The following EIF4G3 variants were observed in gnomAD, a reference collection of about 807,000 sequenced individuals.
EIF4G3 encodes eIF-4-gamma 3.
In EIF4G3, 34 loss-of-function variants were observed where a neutral mutation model predicts 186.4. The observed-to-expected ratio is 0.18, with a 90% CI of 0.14 to 0.24. The LOEUF (loss-of-function observed/expected upper bound fraction) is 0.24. EIF4G3 is among the 10% of genes least tolerant of loss of function. The probability of loss-of-function intolerance (pLI) is 1.00; values close to 1 mark genes in which losing one functional copy is unlikely to be tolerated. For synonymous variants in EIF4G3, 673 were observed against 679.5 expected (o/e 0.99, Z 0.15); for missense variants, 1,536 against 1,948.5 (o/e 0.79, Z 3.99).
At chr1:21,079,317 G>A (rs116610592) in intron 3 of EIF4G3, among the ~76,000 whole-genome samples, 1,899 of 152,116 alleles carry the variant, frequency 0.012, 39 homozygotes, top group African/African-American at 0.042. Flanking sequence ...TCTCTAATTA[G>A]ATTAAACAAA....
intron 3 of EIF4G3, among the ~76,000 whole-genome samples, chr1:21,079,707 A>G (rs1471185048): frequency 1.3e-5 from 2 of 151,068 alleles, no homozygotes; most frequent in Admixed American, 6.6e-5. Flanking sequence ...AAAAAAACTC[A>G]TGAAATTTTA....
At chr1:21,148,968 T>C (rs371189301) in intron 2 of EIF4G3, among the ~76,000 whole-genome samples, 1 of 152,090 alleles carries the variant, frequency 6.6e-6, no homozygotes, top group African/African-American at 2.4e-5. Flanking sequence ...GGGTGGCTCA[T>C]GCCTGTAATC....
intron 2 of EIF4G3, among the ~76,000 whole-genome samples, chr1:21,125,769 T>TACAC (rs1474018412): frequency 2.2e-4 from 25 of 114,506 alleles, no homozygotes; most frequent in African/African-American, 7.3e-4. Flanking sequence ...TTTATATATA[T>TACAC]ATACACACAC....
intron 4 of EIF4G3, among the ~76,000 whole-genome samples, chr1:21,014,747 G>GC (rs34592203): frequency 0.95 from 143,112 of 151,364 alleles, 68,140 homozygotes; most frequent in Middle Eastern, 1. Context: ...CAATTCTCCT[G>GC]CCCAGCCTCC....
chr1:20,826,226 G>C (rs2063575115), intron 32 of EIF4G3, among the ~76,000 whole-genome samples: 1 of 152,114 alleles, frequency 6.6e-6, no homozygotes. Flanking sequence ...AAATGCAGTG[G>C]CACAATCTTG....
At chr1:20,811,244 G>A (rs2059176782) in intron 35 of EIF4G3, among the ~76,000 whole-genome samples, 1 of 151,894 alleles carries the variant, frequency 6.6e-6, no homozygotes, top group Admixed American at 6.6e-5. Flanking sequence ...ATGAGCCACT[G>A]CTCCTGGCCT....
intron 14 of EIF4G3, among the ~76,000 whole-genome samples, chr1:20,913,371 C>T (rs919047857): frequency 6.6e-6 from 1 of 151,954 alleles, no homozygotes; most frequent in Non-Finnish European, 1.5e-5. Flanking sequence ...ACCATCTCTA[C>T]AAAAAAAATT....
intron 32 of EIF4G3, among the ~76,000 whole-genome samples, chr1:20,827,154 C>T (rs1187203285): frequency 6.6e-6 from 1 of 152,006 alleles, no homozygotes; most frequent in Non-Finnish European, 1.5e-5. Flanking sequence ...CATTTTATTC[C>T]CTTTGTGATG....
intron 4 of EIF4G3, among the ~76,000 whole-genome samples, chr1:21,009,644 T>C (rs947550136): frequency 6.6e-6 from 1 of 150,964 alleles, no homozygotes; most frequent in Admixed American, 6.6e-5. Flanking sequence ...TCTTCTTCTT[T>C]TTTTGGGGGG....
chr1:20,829,121 T>A (rs950812923), intron 31 of EIF4G3, 26 bp downstream of exon 31: 3 of 1,611,936 alleles, frequency 1.9e-6, no homozygotes, highest in African/African-American at 2.7e-5. Flanking sequence ...ACCTGATATA[T>A]ATCAAGAGAA....
intron 2 of EIF4G3, chr1:21,111,654 A>C: frequency 6.1e-6 from 1 of 164,552 alleles, no homozygotes; most frequent in South Asian, 1.5e-4. Flanking sequence ...AGATATATAC[A>C]TATCATGACA....
chr1:20,990,946 A>C (rs1224242884), intron 7 of EIF4G3, among the ~76,000 whole-genome samples: 1 of 152,222 alleles, frequency 6.6e-6, no homozygotes, highest in East Asian at 1.9e-4. Flanking sequence ...TGAAAAACTA[A>C]CATCTGCAAT....
intron 13 of EIF4G3, among the ~76,000 whole-genome samples, chr1:20,947,979 C>T (rs940185963): frequency 2.6e-5 from 4 of 152,000 alleles, no homozygotes; most frequent in Non-Finnish European, 1.5e-5. Flanking sequence ...TAATGGCAAA[C>T]GCAATAATAC....
intron 2 of EIF4G3, among the ~76,000 whole-genome samples, chr1:21,100,844 TTC>T (rs1387055866): frequency 6.6e-6 from 1 of 152,146 alleles, no homozygotes; most frequent in Non-Finnish European, 1.5e-5. Flanking sequence ...GCAAACTACG[TTC>T]TTTTTCAATG....
intron 2 of EIF4G3, among the ~76,000 whole-genome samples, chr1:21,166,128 A>G (rs922350411): frequency 2.2e-5 from 2 of 90,896 alleles, no homozygotes; most frequent in African/African-American, 3.2e-5. Flanking sequence ...TTTTCCTTTT[A>G]AAAATTCATA....
intron 3 of EIF4G3, among the ~76,000 whole-genome samples, chr1:21,062,647 C>T (rs566577378): frequency 3.9e-5 from 6 of 152,216 alleles, no homozygotes; most frequent in Non-Finnish European, 7.4e-5. Context: ...TGGAGTGCAA[C>T]GGTGCAATCT....
At chr1:21,125,666 C>G (rs1316375722) in intron 2 of EIF4G3, among the ~76,000 whole-genome samples, 1 of 151,736 alleles carries the variant, frequency 6.6e-6, no homozygotes, top group East Asian at 1.9e-4. Flanking sequence ...CTGCAGTGAG[C>G]CGAGATTGTG....
chr1:21,152,581 C>CGGA, intron 2 of EIF4G3, among the ~76,000 whole-genome samples: 1 of 152,118 alleles, frequency 6.6e-6, no homozygotes, highest in South Asian at 2.1e-4. Context: ...ATTACCTTTC[C>CGGA]AGTCATTACA....
At chr1:21,057,772 T>C (rs1280861281) in intron 3 of EIF4G3, among the ~76,000 whole-genome samples, 3 of 152,162 alleles carry the variant, frequency 2.0e-5, no homozygotes, top group Non-Finnish European at 2.9e-5. Context: ...GGTATTATAC[T>C]GTTACTCTGC....
Sources: gnomAD v4.1 joint callset for allele counts (sites outside exome capture counted in the v4.1 genomes callset) on GRCh38, gnomAD v4.1.1 for gene constraint, MANE v1.5 for transcripts, NCBI Gene and HGNC (gene_info 2026-07-23, HGNC 2026-07-21) for gene names.